The following SRD5A2 variants were observed in gnomAD, a reference collection of about 807,000 sequenced individuals.
SRD5A2 encodes 3-oxo-5-alpha-steroid 4-dehydrogenase 2.
A neutral mutation model predicts 27.4 loss-of-function variants in SRD5A2; 30 were observed. That is an observed-to-expected ratio of 1.10 (90% CI 0.82 to 1.49). The LOEUF is 1.49. Among genes scored for constraint, SRD5A2 ranks in the 40% most tolerant of loss-of-function variants. The probability of loss-of-function intolerance (pLI) is 0.00; values close to 1 mark genes in which losing one functional copy is unlikely to be tolerated. For missense variants in SRD5A2, 348 were observed against 323.4 expected (o/e 1.08, Z -0.58); for synonymous variants, 141 against 133.6 (o/e 1.06, Z -0.38).
chr2:31,536,642 A>G (rs1319427508), intron 1 of SRD5A2, among the ~76,000 whole-genome samples: 2 of 152,368 alleles, frequency 1.3e-5, no homozygotes, highest in Non-Finnish European at 2.9e-5. Flanking sequence ...GAGAACAAAT[A>G]AAGTTCATCT....
chr2:31,600,938 A>T, the SRD5A2 span, among the ~76,000 whole-genome samples: 1 of 151,916 alleles, frequency 6.6e-6, no homozygotes, highest in East Asian at 1.9e-4. Context: ...CTACAGAATG[A>T]AGGACAAAAA....
At chr2:31,627,414 C>T in the SRD5A2 span, among the ~76,000 whole-genome samples, 1 of 143,398 alleles carries the variant, frequency 7.0e-6, no homozygotes, top group Admixed American at 7.3e-5. Context: ...CTCCTGTATT[C>T]ACTGTTCTTT....
the SRD5A2 span, among the ~76,000 whole-genome samples, chr2:31,654,700 G>A: frequency 6.6e-6 from 1 of 152,122 alleles, no homozygotes. Flanking sequence ...CCTTTATACT[G>A]AAGCACCACC....
At chr2:31,653,576 T>C in the SRD5A2 span, among the ~76,000 whole-genome samples, 1 of 152,192 alleles carries the variant, frequency 6.6e-6, no homozygotes, top group African/African-American at 2.4e-5. Context: ...GGTATGAACA[T>C]AGCTGCATAA....
At position 31,525,681 on chromosome 2, in the gene SRD5A2, G is replaced by A; in HGVS notation, c.*515C>T. 4.4e-6 allele frequency: 1 copy of A among 228,508 alleles called. No homozygotes were observed. Among genetic ancestry groups the A allele is most frequent in the Non-Finnish European group, 8.7e-6 (1 of 115,170 alleles). 14.2% of individuals were successfully genotyped at this position (228,508 alleles called of 1,614,324 possible). On this transcript the variant is annotated 3_prime_UTR_variant, in exon 5 of 5. Transcript: ENST00000622030. ...TTTCTCATCTTTCCTAATTAACCAA[G>A]AAAAAGGAAGCCATGACTGGGGTTT...
intron 1 of SRD5A2, among the ~76,000 whole-genome samples, chr2:31,552,509 AT>A (rs1194152087): frequency 6.6e-6 from 1 of 152,070 alleles, no homozygotes; most frequent in African/African-American, 2.4e-5. Context: ...GCGTAAACAG[AT>A]TGTTACAGGA....
intron 1 of SRD5A2, among the ~76,000 whole-genome samples, chr2:31,555,475 T>C (rs978860309): frequency 2.0e-5 from 3 of 152,206 alleles, no homozygotes; most frequent in Admixed American, 6.5e-5. Flanking sequence ...TACATTTTTT[T>C]CTAGGACTGT....
In SRD5A2 at chr2:31,524,699, T is replaced by C. The variant is rs1027438679; in HGVS notation, c.*1497A>G. ...CCTTTCAAGTTTCCTATGTGACTTA[T>C]ATAGTGAGTTTCTGTGCTTAGTACC... On this transcript the variant is annotated 3_prime_UTR_variant, in exon 5 of 5. Transcript: ENST00000622030. 4 of 231,104 alleles carry C rather than the reference T, an allele frequency of 1.7e-5. No homozygotes were observed. The highest frequency in any genetic ancestry group is 6.6e-5 in the African/African-American group (3 of 45,230). 14.3% of individuals were successfully genotyped at this position (231,104 alleles called of 1,614,324 possible). A position where few individuals can be genotyped will look rare whatever the true frequency, so the allele number is the denominator to read the frequency against.
chr2:31,577,193 A>G (rs1666976723), intron 1 of SRD5A2, among the ~76,000 whole-genome samples: 1 of 141,896 alleles, frequency 7.0e-6, no homozygotes, highest in Admixed American at 7.1e-5. Context: ...GAGGTGAGAT[A>G]ACTCTTGACT....
At chr2:31,587,955 T>G in the SRD5A2 span, among the ~76,000 whole-genome samples, 3 of 152,126 alleles carry the variant, frequency 2.0e-5, no homozygotes, top group Non-Finnish European at 4.4e-5. Flanking sequence ...ATTCTGGAGC[T>G]AAAAATGCAA....
At chr2:31,650,263 TA>T in the SRD5A2 span, among the ~76,000 whole-genome samples, 1 of 152,164 alleles carries the variant, frequency 6.6e-6, no homozygotes, top group South Asian at 2.1e-4. Flanking sequence ...GAGATAGGTT[TA>T]TTTTTTGTAT....
At chr2:31,605,689 T>A in the SRD5A2 span, among the ~76,000 whole-genome samples, 1 of 151,738 alleles carries the variant, frequency 6.6e-6, no homozygotes, top group Non-Finnish European at 1.5e-5. Flanking sequence ...ATTTGTACAC[T>A]GTTTGTGGAA....
chr2:31,653,503 G>A, the SRD5A2 span, among the ~76,000 whole-genome samples: 1 of 152,058 alleles, frequency 6.6e-6, no homozygotes, highest in African/African-American at 2.4e-5. Flanking sequence ...TGTTTCTTAT[G>A]AAATAATTGG....
chr2:31,529,463 T>C lies in SRD5A2; in HGVS notation c.548-6A>G, dbSNP rs756730322. On this transcript the variant is annotated splice_polypyrimidine_tract_variant and splice_region_variant and intron_variant, in intron 3 of 4. Coordinates refer to ENST00000622030, the MANE Select transcript of SRD5A2 (RefSeq NM_000348.4). ...AACATACGTAAACAAGCCACCTGCGTGCAGAAGAATCGGAAGGTCAATCAT... is the reference window on the plus strand; with the variant it reads ...AACATACGTAAACAAGCCACCTGCGCGCAGAAGAATCGGAAGGTCAATCAT... 1 of 1,611,282 alleles carries C rather than the reference T, an allele frequency of 6.2e-7. No homozygotes were observed.
chr2:31,563,149 C>T (rs942128263), intron 1 of SRD5A2: 2 of 152,034 alleles, frequency 1.3e-5, no homozygotes, highest in African/African-American at 4.8e-5. Context: ...TTCTGCTATC[C>T]CACTTAGTCT....
chr2:31,652,527 G>A, the SRD5A2 span, among the ~76,000 whole-genome samples: 1 of 151,976 alleles, frequency 6.6e-6, no homozygotes, highest in East Asian at 1.9e-4. Context: ...AGATGAGGAG[G>A]GATATTGTAC....
chr2:31,608,985 G>A, the SRD5A2 span, among the ~76,000 whole-genome samples: 1 of 152,162 alleles, frequency 6.6e-6, no homozygotes, highest in African/African-American at 2.4e-5. Flanking sequence ...CAATAGGACT[G>A]TGGCCTTAGT....
intron 1 of SRD5A2, among the ~76,000 whole-genome samples, chr2:31,561,044 A>G (rs1035941180): frequency 3.9e-5 from 6 of 152,178 alleles, no homozygotes; most frequent in East Asian, 1.9e-4. Context: ...TCCCAACCCT[A>G]GAAAAGCAAT....
chr2:31,583,159 G>A (rs1280634810), upstream of SRD5A2, among the ~76,000 whole-genome samples: 1 of 152,196 alleles, frequency 6.6e-6, no homozygotes, highest in African/African-American at 2.4e-5. Flanking sequence ...TTAGAGCCCA[G>A]CTCCAGGCTG....
Sources: gnomAD v4.1 joint callset for allele counts (sites outside exome capture counted in the v4.1 genomes callset) on GRCh38, gnomAD v4.1.1 for gene constraint, MANE v1.5 for transcripts, NCBI Gene and HGNC (gene_info 2026-07-23, HGNC 2026-07-21) for gene names.